ZNF407: variants seen among roughly 807,000 people sequenced by gnomAD.
The protein encoded by ZNF407 is zinc finger protein 407.
In ZNF407, 17 loss-of-function variants were observed where a neutral mutation model predicts 131.2. The ratio of observed to expected loss-of-function variants is 0.13; its 90% CI spans 0.09 to 0.19. ZNF407 has a LOEUF of 0.19. ZNF407 is among the 10% of genes least tolerant of loss of function. The pLI is 1.00. For missense variants in ZNF407, 2,681 were observed against 2,830.6 expected, an observed-to-expected ratio of 0.95 and a Z score of 1.20; for synonymous variants, 1,156 against 1,062.0, an observed-to-expected ratio of 1.09 and a Z score of -1.72.
At chr18:74,926,230 T>G (rs1971911484) in intron 8 of ZNF407, among the ~76,000 whole-genome samples, 1 of 152,202 alleles carries the variant, frequency 6.6e-6, no homozygotes, top group South Asian at 2.1e-4. Flanking sequence ...TTTTTCTTCA[T>G]TCCCTTTCTC....
intron 3 of ZNF407, among the ~76,000 whole-genome samples, chr18:74,776,498 C>A (rs765346952): frequency 6.6e-6 from 1 of 152,136 alleles, no homozygotes; most frequent in Non-Finnish European, 1.5e-5. Flanking sequence ...TCCATTTCAC[C>A]GTGCTAATCA....
intron 3 of ZNF407, among the ~76,000 whole-genome samples, chr18:74,641,619 G>C (rs1237725835): frequency 5.9e-5 from 9 of 152,102 alleles, no homozygotes; most frequent in Admixed American, 5.9e-4. Context: ...GAGAACTGTT[G>C]TTATGCATTT....
chr18:74,633,938 A>T lies in ZNF407; in HGVS notation c.2919A>T (p.Val973=). The change falls in exon 2 of 9, where the codon GTA becomes GTT. Residue 973 remains valine, a synonymous_variant. Coordinates refer to ENST00000299687, the MANE Select transcript of ZNF407 (RefSeq NM_017757.3). ...CAATTGAAGCTGAAGTTGAAAATGT[A>T]TTTCATTCTCTAGATGGAGAAGTTA... ...GNSIEAEVEN[V]FHSLDGEVNS... is the part of the protein sequence containing the mutation. The T allele has an allele frequency of 3.7e-6, 6 of 1,614,008 alleles. No homozygotes were observed. The highest frequency in any genetic ancestry group is 5.1e-6 in the Non-Finnish European group (6 of 1,179,896).
At chr18:74,773,174 T>G (rs8087157) in intron 3 of ZNF407, among the ~76,000 whole-genome samples, 21,823 of 152,146 alleles carry the variant, frequency 0.14, 2,870 homozygotes, top group African/African-American at 0.35. Flanking sequence ...TGAATGTATA[T>G]GAACAAATAT....
intron 8 of ZNF407, among the ~76,000 whole-genome samples, chr18:74,988,251 C>T (rs1415785759): frequency 6.6e-6 from 1 of 152,038 alleles, no homozygotes; most frequent in Non-Finnish European, 1.5e-5. Flanking sequence ...CAAAAAATTG[C>T]CTCAAAATGG....
chr18:75,055,896 A>T (rs572353362), intron 8 of ZNF407, among the ~76,000 whole-genome samples: 1 of 152,328 alleles, frequency 6.6e-6, no homozygotes, highest in Admixed American at 6.5e-5. Context: ...ATATCCAAAG[A>T]AATTGTGTAT....
At chr18:74,986,763 A>G (rs1972656987) in intron 8 of ZNF407, among the ~76,000 whole-genome samples, 1 of 152,166 alleles carries the variant, frequency 6.6e-6, no homozygotes, top group African/African-American at 2.4e-5. Context: ...ACACAAACGC[A>G]CACACACTTT....
intron 5 of ZNF407, among the ~76,000 whole-genome samples, chr18:74,880,709 A>G (rs1971225565): frequency 6.9e-6 from 1 of 144,006 alleles, no homozygotes; most frequent in Admixed American, 6.7e-5. Flanking sequence ...ATGTATGGGA[A>G]TTGTAAAATA....
intron 3 of ZNF407, among the ~76,000 whole-genome samples, chr18:74,765,860 T>C (rs1339902943): frequency 1.2e-4 from 18 of 152,212 alleles, no homozygotes; most frequent in Admixed American, 1.1e-3. Flanking sequence ...ATGTGCTATT[T>C]CTTAAAAGTT....
At chr18:74,858,910 T>C (rs1023474467) in intron 4 of ZNF407, among the ~76,000 whole-genome samples, 29 of 144,366 alleles carry the variant, frequency 2.0e-4, no homozygotes, top group African/African-American at 6.0e-4. Context: ...CTTTTTGCCC[T>C]TTTTTTTTTG....
chr18:74,622,727 GGTGTGTGTCTGTGA>G (rs1223667478), intron 1 of ZNF407, among the ~76,000 whole-genome samples: 1 of 44,628 alleles, frequency 2.2e-5, no homozygotes, highest in African/African-American at 5.6e-5. Flanking sequence ...TCACCATAGT[GGTGTGTGTCTGTGA>G]GTGTGTGTGT....
intron 4 of ZNF407, among the ~76,000 whole-genome samples, chr18:74,809,750 A>G (rs1022739812): frequency 1.3e-5 from 2 of 152,228 alleles, no homozygotes; most frequent in Non-Finnish European, 2.9e-5. Flanking sequence ...CATACATACA[A>G]AGTCTCCATG....
rs969479178 is a variant in ZNF407, at chr18:74,786,811, T to G, written c.4877+5309T>G. Among the ~76,000 whole-genome samples the G allele has an allele frequency of 4.1e-4, 57 of 138,096 alleles. 2 individuals are homozygous for G. The highest frequency in any genetic ancestry group is 1.3e-3 in the African/African-American group (50 of 37,076). The allele number at this position is 138,096 out of a possible 152,430, so 90.6% of individuals were successfully genotyped here. A position where few individuals can be genotyped will look rare whatever the true frequency, so the allele number is the denominator to read the frequency against. On this transcript the variant is annotated intron_variant, in intron 4 of 8. Transcript: ENST00000299687. Reference sequence around the variant, plus strand: ...AAAGTATGTTTTTTTTTTTTTTTTTTTTTTTTTTTTGGAGATGGAGTTTCT... The same window carrying G: ...AAAGTATGTTTTTTTTTTTTTTTTTGTTTTTTTTTTGGAGATGGAGTTTCT...
intron 3 of ZNF407, among the ~76,000 whole-genome samples, chr18:74,667,511 C>T (rs544367875): frequency 3.3e-5 from 5 of 152,286 alleles, no homozygotes; most frequent in South Asian, 4.1e-4. Context: ...TGTCAGGTTG[C>T]GTACTCGTCT....
At chr18:74,720,347 ATT>A (rs199949124) in intron 3 of ZNF407, among the ~76,000 whole-genome samples, 11 of 140,166 alleles carry the variant, frequency 7.8e-5, no homozygotes, top group Non-Finnish European at 7.8e-5. Flanking sequence ...TTTAAATAGG[ATT>A]TTTTTTTTTT....
intron 8 of ZNF407, among the ~76,000 whole-genome samples, chr18:75,002,749 G>A (rs1267493819): frequency 2.0e-5 from 3 of 150,398 alleles, no homozygotes; most frequent in East Asian, 3.9e-4. Context: ...AGCTTGCAGC[G>A]AGCCGAGATC....
At chr18:74,998,594 G>A (rs991357285) in intron 8 of ZNF407, among the ~76,000 whole-genome samples, 2 of 150,798 alleles carry the variant, frequency 1.3e-5, no homozygotes, top group Admixed American at 1.3e-4. Flanking sequence ...AACACATGAA[G>A]AAATGCTCAT....
intron 8 of ZNF407, among the ~76,000 whole-genome samples, chr18:74,925,815 A>T (rs897251704): frequency 5.9e-5 from 9 of 152,230 alleles, no homozygotes; most frequent in Admixed American, 1.3e-4. Context: ...CCTTTGGTAA[A>T]TCCATGCTGA....
intron 2 of ZNF407, among the ~76,000 whole-genome samples, chr18:74,640,219 A>G (rs1413267098): frequency 6.6e-6 from 1 of 152,116 alleles, no homozygotes; most frequent in Non-Finnish European, 1.5e-5. Flanking sequence ...AATCTTATCT[A>G]TTACTGACAC....
Sources: gnomAD v4.1 joint callset for allele counts (sites outside exome capture counted in the v4.1 genomes callset) on GRCh38, gnomAD v4.1.1 for gene constraint, MANE v1.5 for transcripts, NCBI Gene and HGNC (gene_info 2026-07-23, HGNC 2026-07-21) for gene names.